The following LAMA4 variants were observed in gnomAD, a reference collection of about 807,000 sequenced individuals.
LAMA4 encodes the protein laminin subunit alpha-4.
Under a neutral mutation model 207.1 loss-of-function variants are expected in LAMA4, and 127 were observed. That is an observed-to-expected ratio of 0.61 (90% CI 0.53 to 0.71). The LOEUF is 0.71. Ranked by LOEUF, LAMA4 falls within the 30% of genes least tolerant of loss-of-function variation. The probability of loss-of-function intolerance (pLI) is 0.00; values close to 1 mark genes in which losing one functional copy is unlikely to be tolerated. For synonymous variants in LAMA4, 761 were observed against 816.0 expected (o/e 0.93, Z 1.15); for missense variants, 2,093 against 2,246.5 (o/e 0.93, Z 1.38).
At chr6:112,223,353 C>T (rs1313176097) in intron 2 of LAMA4, among the ~76,000 whole-genome samples, 1 of 152,156 alleles carries the variant, frequency 6.6e-6, no homozygotes, top group Non-Finnish European at 1.5e-5. Context: ...TGATTTGACT[C>T]CTTAGCTACT....
chr6:112,152,498 A>T (rs1780458516), intron 16 of LAMA4, among the ~76,000 whole-genome samples: 1 of 152,120 alleles, frequency 6.6e-6, no homozygotes, highest in African/African-American at 2.4e-5. Flanking sequence ...GAACTAAAGG[A>T]TCAACTTTGC....
At chr6:112,158,374 T>C (rs1780845808) in intron 14 of LAMA4, 1 of 286,658 alleles carries the variant, frequency 3.5e-6, no homozygotes, top group African/African-American at 2.2e-5. Context: ...ATCTGATTTA[T>C]TTGACAATGT....
In LAMA4 at chr6:112,148,207, T is replaced by C; in HGVS notation, c.2303A>G (p.His768Arg). The C allele has an allele frequency of 6.2e-7, 1 of 1,614,188 alleles. No homozygotes were observed. Reference protein sequence around the residue: ...NLTNWSQNLQHFDSSAYNTAV... With the variant: ...NLTNWSQNLQRFDSSAYNTAV... ...AGTGTTGTAAGCAGAAGAGTCAAAA[T>C]GTTGAAGATTCTGTGACCAGTTGGT... is the stretch of plus-strand genomic sequence containing the variant. Residue 768 changes from histidine (H) to arginine (R), a missense_variant, in exon 18 of 39, where the codon CAT becomes CGT. His to Arg is a conservative substitution (Grantham distance 29). This residue lies in a region of LAMA4 where 1,704 missense variants were observed against 1,788.4 expected (regional missense o/e 0.95). Coordinates refer to ENST00000230538, the MANE Select transcript of LAMA4 (RefSeq NM_001105206.3).
At chr6:112,173,334 T>G (rs1554342589) in intron 11 of LAMA4, among the ~76,000 whole-genome samples, 5 of 152,238 alleles carry the variant, frequency 3.3e-5, no homozygotes, top group Non-Finnish European at 7.3e-5. Context: ...ACTTTGCATG[T>G]GTCTTTTATT....
Position 112,191,793 on chromosome 6 carries a change from A to C in LAMA4, c.561T>G (p.Cys187Trp). The C allele has an allele frequency of 6.2e-7, 1 of 1,614,156 alleles. No homozygotes were observed. The highest frequency in any genetic ancestry group is 8.5e-7 in the Non-Finnish European group (1 of 1,180,012). ...PLLIGSTCKK[C>W]DCSGNSDPNL... is the part of the protein sequence containing the mutation. ...TGGGATCTGAATTTCCACTGCAGTCACATTTCTTACAGGTGCTTCCAATGA... is the reference window on the plus strand; with the variant it reads ...TGGGATCTGAATTTCCACTGCAGTCCCATTTCTTACAGGTGCTTCCAATGA... The change falls in exon 6 of 39, where the codon TGT becomes TGG. Residue 187 changes from cysteine (C) to tryptophan (W), a missense_variant. Cys to Trp is a radical substitution (Grantham distance 215, BLOSUM62 -2). Transcript: ENST00000230538.
chr6:112,254,370 CCT>C (rs1312330898), intron 1 of LAMA4, 79 bp from the exon 2 acceptor site: 4 of 599,204 alleles, frequency 6.7e-6, no homozygotes, highest in South Asian at 2.0e-5. Flanking sequence ...CCCTTCTCCC[CCT>C]CTCTCTCCCT....
At position 112,136,203 on chromosome 6, in the gene LAMA4, C is replaced by A. The variant is rs2114675202; in HGVS notation, c.3334G>T (p.Asp1112Tyr). The change falls in exon 25 of 39, where the codon GAT becomes TAT. Residue 1112 changes from aspartate (D) to tyrosine (Y), a missense_variant. By Grantham distance (160) the Asp-to-Tyr change is radical (BLOSUM62 -3). Coordinates refer to ENST00000230538, the MANE Select transcript of LAMA4 (RefSeq NM_001105206.3). ...MRNGYLHVFY[D>Y]FGFSGGPVHL... is the part of the protein sequence containing the mutation. ...ACAGGGCCACCGCTGAATCCAAAAT[C>A]ATAGAACACATGTAGGTAACCATTG... The A allele has an allele frequency of 1.9e-6, 3 of 1,612,496 alleles. No individual in the cohort carries two copies. Among genetic ancestry groups the A allele is most frequent in the Non-Finnish European group, 8.5e-7 (1 of 1,178,702 alleles).
At chr6:112,226,406 G>T (rs1785215328) in intron 2 of LAMA4, among the ~76,000 whole-genome samples, 1 of 151,894 alleles carries the variant, frequency 6.6e-6, no homozygotes, top group Admixed American at 6.6e-5. Context: ...GGCCCGCCTT[G>T]CCTTTGCATA....
rs992517796 is a variant in LAMA4, at chr6:112,136,116, T to G, written c.3414+7A>C. On this transcript the variant is annotated splice_region_variant and intron_variant, in intron 25 of 38. Coordinates refer to ENST00000230538, the MANE Select transcript of LAMA4 (RefSeq NM_001105206.3). The stretch of plus-strand genomic sequence containing the variant: ...AACAAAACCAACCAAACTACAATGA[T>G]TTGTACCTCATGGTATTTTGCATCA... The G allele has an allele frequency of 1.6e-5, 26 of 1,611,216 alleles. No homozygotes were observed. Among genetic ancestry groups the G allele is most frequent in the Non-Finnish European group, 2.1e-5 (25 of 1,179,100 alleles).
At chr6:112,124,021 C>T (rs1554326817) in intron 31 of LAMA4, among the ~76,000 whole-genome samples, 1 of 152,118 alleles carries the variant, frequency 6.6e-6, no homozygotes, top group Non-Finnish European at 1.5e-5. Context: ...ACTCTAATGT[C>T]TTAGGAAAAT....
chr6:112,156,741 C>A (rs1554337087), intron 14 of LAMA4, among the ~76,000 whole-genome samples: 1 of 152,148 alleles, frequency 6.6e-6, no homozygotes, highest in Non-Finnish European at 1.5e-5. Flanking sequence ...TGTCTTCAAA[C>A]CGCCTGACCT....
At chr6:112,124,817 C>T (rs1583651824) in intron 31 of LAMA4, among the ~76,000 whole-genome samples, 1 of 149,376 alleles carries the variant, frequency 6.7e-6, no homozygotes, top group South Asian at 2.1e-4. Context: ...AGTGCAGTGG[C>T]GCGATGTCAG....
intron 13 of LAMA4, chr6:112,159,276 A>G: frequency 4.3e-6 from 1 of 233,806 alleles, no homozygotes; most frequent in Non-Finnish European, 8.4e-6. Context: ...TATATTTCCT[A>G]TTTTGACCTA....
At position 112,172,798 on chromosome 6, in the gene LAMA4, C is replaced by A. The variant is rs782547342; in HGVS notation, c.1364G>T (p.Ser455Ile). ...CAGCCGCTGCCAGCTCTCAGCCTGG[C>A]TCAGTACTGGGAAGAAATGGAGATA... ...EEADEAYELL[S>I]QAESWQRLHN... Residue 455 changes from serine to isoleucine, a missense_variant, in exon 12 of 39, where the codon AGC becomes ATC. Ser to Ile is a moderately radical substitution (Grantham distance 142). Around this residue, in one of 3 missense-constraint regions of LAMA4, gnomAD observed 1,704 missense variants for 1,788.4 expected, o/e 0.95. Transcript: ENST00000230538. 1.1e-5 allele frequency: 18 copies of A among 1,613,596 alleles called. 1 individual carries two copies. The highest frequency in any genetic ancestry group is 1.7e-4 in the Middle Eastern group (1 of 6,050).
intron 12 of LAMA4, among the ~76,000 whole-genome samples, chr6:112,169,207 C>A (rs1041117237): frequency 6.6e-6 from 1 of 151,986 alleles, no homozygotes; most frequent in Non-Finnish European, 1.5e-5. Flanking sequence ...AGGCAGGGGG[C>A]AGACCAAAAT....
At chr6:112,122,684 T>TAGGATATGTAGC (rs1394288617) in intron 31 of LAMA4, among the ~76,000 whole-genome samples, 8 of 152,214 alleles carry the variant, frequency 5.3e-5, no homozygotes, top group Admixed American at 4.6e-4. Flanking sequence ...TTTTTGGTGA[T>TAGGATATGTAGC]AGGATATGTA....
intron 28 of LAMA4, among the ~76,000 whole-genome samples, chr6:112,131,940 T>G (rs1554329898): frequency 2.0e-5 from 3 of 152,204 alleles, no homozygotes; most frequent in South Asian, 4.1e-4. Context: ...TCTACAGACC[T>G]TAGTTTATTC....
rs782737116 is a variant in LAMA4 at position 112,178,188 on chromosome 6, G to T, written c.1122C>A (p.Ser374Arg). 6.2e-7 allele frequency: 1 copy of T among 1,613,938 alleles called. No individual in the cohort carries two copies. The highest frequency in any genetic ancestry group is 1.7e-5 in the Admixed American group (1 of 60,016). ...SRKGQLVQKESMDTINHASQL... is the reference protein window; with the variant it reads ...SRKGQLVQKERMDTINHASQL... Reference sequence around the variant, plus strand: ...GACTTGCGTGGTTAATGGTGTCCATGCTTTCCTTCTGAACAAGTTGTCCTT... The same window carrying T: ...GACTTGCGTGGTTAATGGTGTCCATTCTTTCCTTCTGAACAAGTTGTCCTT... Residue 374 changes from serine (S) to arginine (R), a missense_variant, in exon 10 of 39, where the codon AGC becomes AGA. By Grantham distance (110) the Ser-to-Arg change is moderately radical. This residue lies in a region of LAMA4 where 1,704 missense variants were observed against 1,788.4 expected (regional missense o/e 0.95). Transcript: ENST00000230538.
chr6:112,161,894 G>GT (rs1190923289), intron 13 of LAMA4: 1 of 152,130 alleles, frequency 6.6e-6, no homozygotes, highest in Admixed American at 6.5e-5. Context: ...AAAGAGTTGG[G>GT]TATGTGGTCA....
Sources: gnomAD v4.1 joint callset for allele counts (sites outside exome capture counted in the v4.1 genomes callset) on GRCh38, gnomAD v4.1.1 for gene constraint, gnomAD v4.1.1 regional missense constraint, MANE v1.5 for transcripts, NCBI Gene and HGNC (gene_info 2026-07-23, HGNC 2026-07-21) for gene names.